ANO4: variants seen among roughly 807,000 people sequenced by gnomAD.
ANO4 encodes the protein anoctamin-4.
Under a neutral mutation model 141.9 loss-of-function variants are expected in ANO4, and 69 were observed. That is an observed-to-expected ratio of 0.49 (90% CI 0.40 to 0.59). ANO4 has a LOEUF of 0.59. Among genes scored for constraint, ANO4 ranks in the 20% least tolerant of loss-of-function variants. The probability of loss-of-function intolerance (pLI) is 0.00; values close to 1 mark genes in which losing one functional copy is unlikely to be tolerated. For synonymous variants in ANO4, 350 were observed against 394.3 expected (o/e 0.89, Z 1.33); for missense variants, 894 against 1,162.2 (o/e 0.77, Z 3.36).
At chr12:101,077,852 G>A (rs1355797267) in intron 14 of ANO4, among the ~76,000 whole-genome samples, 4 of 152,036 alleles carry the variant, frequency 2.6e-5, no homozygotes, top group African/African-American at 7.3e-5. Context: ...TTGAATTTTC[G>A]CATTGCAGAT....
chr12:100,971,016 A>G (rs34464129), intron 5 of ANO4, among the ~76,000 whole-genome samples: 31,306 of 152,160 alleles, frequency 0.21, 3,473 homozygotes, highest in East Asian at 0.41. Context: ...CGCCTGGCCT[A>G]TCCTTGCTTT....
intron 3 of ANO4, among the ~76,000 whole-genome samples, chr12:100,930,340 T>C (rs1385801831): frequency 2.6e-5 from 4 of 152,162 alleles, no homozygotes; most frequent in Non-Finnish European, 5.9e-5. Context: ...CTTTAATCCA[T>C]TTTGGTTTGA....
At chr12:101,039,362 G>A (rs554263301) in intron 10 of ANO4, among the ~76,000 whole-genome samples, 3 of 152,110 alleles carry the variant, frequency 2.0e-5, no homozygotes, top group South Asian at 2.1e-4. Context: ...AAAGTTAGCC[G>A]TGCATGGTGG....
At chr12:100,971,198 C>T in intron 5 of ANO4, 108 bp from the exon 6 acceptor site, 1 of 668,692 alleles carries the variant, frequency 1.5e-6, no homozygotes, top group South Asian at 2.4e-5. Flanking sequence ...TGAGGAATGC[C>T]CCAAATCATA....
chr12:100,947,470 C>G (rs768744495), intron 5 of ANO4, among the ~76,000 whole-genome samples: 5 of 152,148 alleles, frequency 3.3e-5, no homozygotes, highest in African/African-American at 4.8e-5. Context: ...CAGTCCCACT[C>G]AAATACATTG....
chr12:100,889,579 G>A (rs986576994), intron 1 of ANO4, among the ~76,000 whole-genome samples: 2 of 152,096 alleles, frequency 1.3e-5, no homozygotes, highest in African/African-American at 4.8e-5. Context: ...GTGGACAAAG[G>A]ATATGAGCAG....
intron 1 of ANO4, among the ~76,000 whole-genome samples, chr12:100,868,944 AACAG>A (rs2038897002): frequency 6.6e-6 from 1 of 152,220 alleles, no homozygotes; most frequent in African/African-American, 2.4e-5. Context: ...GCCATACAGA[AACAG>A]ACAGCAGGCC....
At chr12:100,993,131 G>T (rs576259500) in intron 8 of ANO4, among the ~76,000 whole-genome samples, 38 of 152,308 alleles carry the variant, frequency 2.5e-4, no homozygotes, top group African/African-American at 8.9e-4. Flanking sequence ...TGAGGCTGCA[G>T]TGAGTTATGA....
At chr12:100,886,299 CAG>C (rs2039825585) in intron 1 of ANO4, among the ~76,000 whole-genome samples, 1 of 151,772 alleles carries the variant, frequency 6.6e-6, no homozygotes, top group Non-Finnish European at 1.5e-5. Context: ...AGACTACATC[CAG>C]TGTAGCATAT....
intron 21 of ANO4, among the ~76,000 whole-genome samples, chr12:101,098,784 T>C (rs1460626356): frequency 1.3e-5 from 2 of 152,228 alleles, no homozygotes; most frequent in Non-Finnish European, 2.9e-5. Context: ...TATTTTATCT[T>C]CTGATAATAA....
chr12:101,059,767 CTCTT>C (rs1450033716), intron 14 of ANO4, among the ~76,000 whole-genome samples: 1 of 152,090 alleles, frequency 6.6e-6, no homozygotes, highest in African/African-American at 2.4e-5. Flanking sequence ...TGATTCTTCT[CTCTT>C]GTCTTCTTTA....
intron 5 of ANO4, among the ~76,000 whole-genome samples, chr12:100,945,091 C>T (rs966582780): frequency 6.6e-6 from 1 of 152,130 alleles, no homozygotes; most frequent in African/African-American, 2.4e-5. Context: ...ACGTTTGACA[C>T]TATGCACATT....
intron 3 of ANO4, among the ~76,000 whole-genome samples, chr12:100,785,491 A>G (rs2033844735): frequency 6.6e-6 from 1 of 152,172 alleles, no homozygotes; most frequent in Non-Finnish European, 1.5e-5. Flanking sequence ...AGTTGGAATT[A>G]TATCATATGT....
chr12:100,816,033 T>A (rs1238799228), intron 1 of ANO4, among the ~76,000 whole-genome samples: 1 of 152,084 alleles, frequency 6.6e-6, no homozygotes, highest in Non-Finnish European at 1.5e-5. Context: ...CCTCTTAAAC[T>A]CAACTCTTAA....
chr12:101,070,733 CCACAGAAAT>C (rs994050232), intron 14 of ANO4, among the ~76,000 whole-genome samples: 2 of 151,990 alleles, frequency 1.3e-5, no homozygotes, highest in Admixed American at 6.6e-5. Context: ...CCCACAGAAC[CCACAGAAAT>C]GGGAGAAAAT....
intron 5 of ANO4, among the ~76,000 whole-genome samples, chr12:100,959,245 G>A (rs143694117): frequency 8.0e-4 from 121 of 152,152 alleles, no homozygotes; most frequent in Non-Finnish European, 1.3e-3. Flanking sequence ...GTGTGCTGTC[G>A]CGGGAGCTCT....
At chr12:100,941,817 C>T (rs928842178) in intron 4 of ANO4, among the ~76,000 whole-genome samples, 5 of 152,000 alleles carry the variant, frequency 3.3e-5, no homozygotes, top group Non-Finnish European at 5.9e-5. Flanking sequence ...TCCTTAGTTG[C>T]ATCACATTCT....
intron 1 of ANO4, among the ~76,000 whole-genome samples, chr12:100,813,336 T>C (rs1029653023): frequency 6.6e-5 from 10 of 152,192 alleles, no homozygotes; most frequent in African/African-American, 1.9e-4. Context: ...TAGGTCCTTT[T>C]GGGGCAGGGA....
At chr12:100,759,043 G>C (rs1376822667) in intron 3 of ANO4, among the ~76,000 whole-genome samples, 1 of 152,096 alleles carries the variant, frequency 6.6e-6, no homozygotes, top group Admixed American at 6.6e-5. Flanking sequence ...CACTTTCTGA[G>C]GGTCCAGATG....
Sources: gnomAD v4.1 joint callset for allele counts (sites outside exome capture counted in the v4.1 genomes callset) on GRCh38, gnomAD v4.1.1 for gene constraint, MANE v1.5 for transcripts, NCBI Gene and HGNC (gene_info 2026-07-23, HGNC 2026-07-21) for gene names.